The following LINGO2 variants were observed in gnomAD, a reference collection of about 807,000 sequenced individuals.
LINGO2 encodes the protein leucine-rich repeat and immunoglobulin-like domain-containing nogo receptor-interacting protein 2.
LINGO2 carries 14 observed loss-of-function variants against 30.6 expected under a neutral mutation model. The ratio of observed to expected loss-of-function variants is 0.46; its 90% CI spans 0.30 to 0.72. The LOEUF (loss-of-function observed/expected upper bound fraction) is 0.72, where lower values mean the gene tolerates loss of function less well. Ranked by LOEUF, LINGO2 falls within the 30% of genes least tolerant of loss-of-function variation. The pLI, the probability that LINGO2 is intolerant of heterozygous loss-of-function variation, is 0.07. For synonymous variants in LINGO2, 317 were observed against 288.5 expected, an observed-to-expected ratio of 1.10 and a Z score of -1.00; for missense variants, 729 against 751.7, an observed-to-expected ratio of 0.97 and a Z score of 0.35.
chr9:28,244,875 TACAAAGAGGAA>T (rs1821941933), intron 4 of LINGO2, among the ~76,000 whole-genome samples: 1 of 148,372 alleles, frequency 6.7e-6, no homozygotes, highest in Admixed American at 6.7e-5. Context: ...CTACCAGAGG[TACAAAGAGGAA>T]CTGGTACCAT....
chr9:28,680,434 A>G, the LINGO2 span, among the ~76,000 whole-genome samples: 1 of 152,138 alleles, frequency 6.6e-6, no homozygotes, highest in African/African-American at 2.4e-5. Flanking sequence ...AGATGCAGGC[A>G]TCTCTTCAAC....
At chr9:28,753,032 G>A in the LINGO2 span, among the ~76,000 whole-genome samples, 98 of 152,196 alleles carry the variant, frequency 6.4e-4, 1 homozygote, top group African/African-American at 2.2e-3. Context: ...AAGACAGGCT[G>A]TCACCTGGAG....
At chr9:28,619,903 A>G (rs1826313847) in intron 1 of LINGO2, among the ~76,000 whole-genome samples, 1 of 152,144 alleles carries the variant, frequency 6.6e-6, no homozygotes, top group Admixed American at 6.5e-5. Context: ...TTGTTTCCAT[A>G]AATTGGCAAC....
intron 4 of LINGO2, among the ~76,000 whole-genome samples, chr9:28,184,363 G>C (rs1819466049): frequency 6.6e-6 from 1 of 152,156 alleles, no homozygotes; most frequent in Non-Finnish European, 1.5e-5. Flanking sequence ...GTGATACTAT[G>C]AGGCACATCT....
the LINGO2 span, among the ~76,000 whole-genome samples, chr9:28,758,806 A>G: frequency 6.6e-6 from 1 of 152,108 alleles, no homozygotes; most frequent in Non-Finnish European, 1.5e-5. Context: ...AGGTATCATT[A>G]GCTTTTAGTT....
intron 4 of LINGO2, among the ~76,000 whole-genome samples, chr9:28,221,298 TAAAAAAAAAAAAAAA>T (rs141151588): frequency 1.2e-5 from 1 of 83,738 alleles, no homozygotes; most frequent in Non-Finnish European, 2.3e-5. Context: ...AGACCCCGTC[TAAAAAAAAAAAAAAA>T]AAAAAAAAAA....
At chr9:28,648,759 A>G (rs1245764996) in intron 1 of LINGO2, among the ~76,000 whole-genome samples, 1 of 152,176 alleles carries the variant, frequency 6.6e-6, no homozygotes, top group Non-Finnish European at 1.5e-5. Flanking sequence ...GAAAAAAATA[A>G]ATAAATAAAA....
intron 4 of LINGO2, among the ~76,000 whole-genome samples, chr9:28,164,184 C>A (rs1828364455): frequency 6.6e-6 from 1 of 152,192 alleles, no homozygotes; most frequent in Middle Eastern, 3.4e-3. Flanking sequence ...TTCATCCTAA[C>A]TAGAGGTGAT....
rs531732634 is a variant in LINGO2, at chr9:28,359,167, T to C, written c.-246+13669A>G. ...ACCTCTCACGGTTTTGGATAGGGGA[T>C]GAACAAAAGGCTCTTCACTTTGCAA... On this transcript the variant is annotated intron_variant, in intron 3 of 5. Coordinates refer to ENST00000379992, the Ensembl canonical transcript of LINGO2. Among the ~76,000 whole-genome samples the C allele has an allele frequency of 2.6e-5, 4 of 152,248 alleles. No homozygotes were observed. In the East Asian group the frequency reaches 7.7e-4, roughly 29 times the overall value.
intron 1 of LINGO2, among the ~76,000 whole-genome samples, chr9:28,617,726 CTTTTT>C (rs537226353): frequency 1.3e-5 from 2 of 151,336 alleles, no homozygotes; most frequent in African/African-American, 4.9e-5. Flanking sequence ...TTCATCTTTA[CTTTTT>C]TTTTATTTTC....
chr9:28,035,801 A>C (rs145467669), intron 4 of LINGO2, among the ~76,000 whole-genome samples: 6 of 152,118 alleles, frequency 3.9e-5, no homozygotes, highest in African/African-American at 1.4e-4. Flanking sequence ...GTGCTGTATG[A>C]ATGTGAAAGC....
At chr9:29,118,435 C>A in the LINGO2 span, among the ~76,000 whole-genome samples, 1 of 152,284 alleles carries the variant, frequency 6.6e-6, no homozygotes, top group African/African-American at 2.4e-5. Flanking sequence ...AGCAAGGTGG[C>A]AGAAGAGGAG....
At chr9:27,977,569 A>G (rs1385655535) in intron 5 of LINGO2, among the ~76,000 whole-genome samples, 1 of 152,008 alleles carries the variant, frequency 6.6e-6, no homozygotes, top group South Asian at 2.1e-4. Flanking sequence ...TCTTGACTGC[A>G]TATCCTCAGA....
intron 4 of LINGO2, among the ~76,000 whole-genome samples, chr9:28,246,691 G>T (rs550220973): frequency 6.6e-6 from 1 of 152,070 alleles, no homozygotes; most frequent in African/African-American, 2.4e-5. Flanking sequence ...ACATAGGCAT[G>T]GGAAAAGCTT....
chr9:28,175,032 T>C (rs1828711833), intron 4 of LINGO2, among the ~76,000 whole-genome samples: 2 of 151,822 alleles, frequency 1.3e-5, no homozygotes, highest in Non-Finnish European at 2.9e-5. Flanking sequence ...TGCCTGCCCA[T>C]ACCAGCATCA....
At chr9:28,027,512 G>A (rs1350734096) in intron 4 of LINGO2, among the ~76,000 whole-genome samples, 1 of 152,122 alleles carries the variant, frequency 6.6e-6, no homozygotes, top group Non-Finnish European at 1.5e-5. Context: ...CAAATACTGG[G>A]GAAGCAAGCA....
intron 1 of LINGO2, among the ~76,000 whole-genome samples, chr9:28,514,006 G>C (rs1279481906): frequency 6.6e-6 from 1 of 152,150 alleles, no homozygotes; most frequent in Non-Finnish European, 1.5e-5. Flanking sequence ...GATTCTTACA[G>C]TATTTCAGAA....
chr9:28,449,310 C>T (rs1483180366), intron 2 of LINGO2, among the ~76,000 whole-genome samples: 1 of 152,010 alleles, frequency 6.6e-6, no homozygotes, highest in Non-Finnish European at 1.5e-5. Context: ...AGACTAATTT[C>T]TTACTTCTTG....
intron 3 of LINGO2, among the ~76,000 whole-genome samples, chr9:28,306,330 T>C (rs1824353125): frequency 6.6e-6 from 1 of 151,662 alleles, no homozygotes. Flanking sequence ...AAAAAGACAA[T>C]GGAGGAAGGA....
Sources: gnomAD v4.1 joint callset for allele counts (sites outside exome capture counted in the v4.1 genomes callset) on GRCh38, gnomAD v4.1.1 for gene constraint, MANE v1.5 for transcripts, NCBI Gene and HGNC (gene_info 2026-07-23, HGNC 2026-07-21) for gene names.